The following INTS6 variants were observed in gnomAD, a reference collection of about 807,000 sequenced individuals.
INTS6 encodes integrator complex subunit 6, also known as DEAD box protein.
Under a neutral mutation model 104.9 loss-of-function variants are expected in INTS6, and 16 were observed. The observed-to-expected ratio is 0.15, with a 90% confidence interval of 0.10 to 0.23. The LOEUF (loss-of-function observed/expected upper bound fraction) is 0.23, where lower values mean the gene tolerates loss of function less well. Ranked by LOEUF, INTS6 falls within the 10% of genes least tolerant of loss-of-function variation. The pLI, the probability that INTS6 is intolerant of heterozygous loss-of-function variation, is 1.00. For missense variants in INTS6, 584 were observed against 1,062.8 expected, an observed-to-expected ratio of 0.55 and a Z score of 6.26; for synonymous variants, 324 against 358.7, an observed-to-expected ratio of 0.90 and a Z score of 1.09.
chr13:51,379,232 G>GA (rs1955999003), intron 11 of INTS6, among the ~76,000 whole-genome samples: 1 of 151,640 alleles, frequency 6.6e-6, no homozygotes, highest in African/African-American at 2.4e-5. Flanking sequence ...CCACACTCAT[G>GA]AAGCCATTTT....
intron 12 of INTS6, among the ~76,000 whole-genome samples, chr13:51,377,759 C>T (rs1466060944): frequency 6.6e-6 from 1 of 152,066 alleles, no homozygotes; most frequent in Non-Finnish European, 1.5e-5. Context: ...ATAAGTCTTC[C>T]AACTTTATTC....
chr13:51,341,199 C>A, the INTS6 span: 1 of 1,614,050 alleles, frequency 6.2e-7, no homozygotes, highest in South Asian at 1.1e-5. Flanking sequence ...TTGCACTTCA[C>A]CTCTACCAGA....
At position 51,395,451 on chromosome 13, in the gene INTS6, T is replaced by C. The variant is rs1267496785; in HGVS notation, c.462A>G (p.Gly154=). The C allele has an allele frequency of 6.2e-7, 1 of 1,613,142 alleles. No individual in the cohort carries two copies. Among genetic ancestry groups the C allele is most frequent in the East Asian group, 2.2e-5 (1 of 44,820 alleles). Residue 154 remains glycine (G), a synonymous_variant, in exon 5 of 18, where the codon GGA becomes GGG. Transcript: ENST00000311234. ...GAAAAGGTTCCTTGGTCAATTCACT[T>C]CCAGGCAAAGGAGAATTAAGAGGTA... ...LHLPLNSPLP[G]SELTKEPFRW...
intron 4 of INTS6, among the ~76,000 whole-genome samples, chr13:51,417,639 T>C (rs1300907058): frequency 1.3e-5 from 2 of 151,928 alleles, no homozygotes; most frequent in Non-Finnish European, 2.9e-5. Context: ...TATTTTTTAA[T>C]AGAGATGGGG....
intron 10 of INTS6, among the ~76,000 whole-genome samples, chr13:51,381,173 G>A (rs1343967010): frequency 2.0e-5 from 3 of 152,162 alleles, no homozygotes; most frequent in African/African-American, 7.2e-5. Context: ...CAAATACTAT[G>A]CCATTTTATA....
At chr13:51,395,590 T>A in intron 4 of INTS6, 107 bp from the exon 5 acceptor site, 3 of 932,724 alleles carry the variant, frequency 3.2e-6, no homozygotes, top group Non-Finnish European at 4.6e-6. Flanking sequence ...TCCTATCACT[T>A]GAAAAACAAG....
chr13:51,375,727 A>G (rs1443606728), intron 13 of INTS6, among the ~76,000 whole-genome samples: 1 of 141,674 alleles, frequency 7.1e-6, no homozygotes, highest in Non-Finnish European at 1.5e-5. Context: ...ATACAGTTTG[A>G]TAAGTGGGTG....
intron 4 of INTS6, among the ~76,000 whole-genome samples, chr13:51,409,999 C>G (rs927945044): frequency 3.9e-5 from 6 of 152,000 alleles, no homozygotes; most frequent in Non-Finnish European, 5.9e-5. Flanking sequence ...AAAGACCAAT[C>G]AATAATAACA....
chr13:51,450,362 A>G, intron 3 of INTS6: 2 of 985,446 alleles, frequency 2.0e-6, no homozygotes, highest in Non-Finnish European at 2.4e-6. Context: ...TAAGTGCAAT[A>G]AAAGGACTTG....
At chr13:51,341,654 C>T in the INTS6 span, among the ~76,000 whole-genome samples, 3 of 152,194 alleles carry the variant, frequency 2.0e-5, no homozygotes, top group Admixed American at 1.3e-4. Flanking sequence ...GGTTTCATGG[C>T]AATGTTTCAG....
rs1357148995 is a variant in INTS6 at position 51,452,342 on chromosome 13, G to GGCC, written c.111+70_111+72dup. 7.7e-5 allele frequency: 99 copies of GGCC among 1,279,740 alleles called. 1 individual carries two copies. The highest frequency in any genetic ancestry group is 7.8e-5 in the Non-Finnish European group (79 of 1,010,994). The allele number at this position is 1,279,740 out of a possible 1,614,324, so 79.3% of individuals were successfully genotyped here. On this transcript the variant is annotated intron_variant, in intron 1 of 17. Transcript: ENST00000311234. This position sits in a 1 kb window ranked among gnomAD's most constrained non-coding sequence, Gnocchi z 4.2. ...GTCAGGTCCCCGACACCCCCGCCCC[G>GGCC]GCCGCCCTCCCCCACCCTGCCGCCC... is the stretch of plus-strand genomic sequence containing the variant.
intron 3 of INTS6, among the ~76,000 whole-genome samples, chr13:51,431,113 C>T (rs75396497): frequency 0.016 from 2,388 of 152,280 alleles, 29 homozygotes; most frequent in Non-Finnish European, 0.027. Flanking sequence ...ACCCACTCTA[C>T]TAGCACAACG....
At chr13:51,451,364 C>G in intron 2 of INTS6, 190 bp from the exon 3 acceptor site, 1 of 399,514 alleles carries the variant, frequency 2.5e-6, no homozygotes, top group Non-Finnish European at 4.4e-6. Flanking sequence ...AGCTTCCTCT[C>G]TAGGTTTTGG....
rs745486146 is a variant in INTS6 at position 51,361,860 on chromosome 13, C to A, written c.*3892G>T. 6.2e-7 allele frequency: 1 copy of A among 1,611,470 alleles called. No individual in the cohort carries two copies. Among genetic ancestry groups the A allele is most frequent in the Admixed American group, 1.7e-5 (1 of 59,682 alleles). ...GATTCCTATTTTTAAAGCAGATCGG[C>A]CATTCATCTATTTCCTGAGAGAACC... On this transcript the variant is annotated 3_prime_UTR_variant, in exon 18 of 18. Transcript: ENST00000311234.
At chr13:51,425,927 G>A (rs924063157) in intron 4 of INTS6, among the ~76,000 whole-genome samples, 10 of 151,648 alleles carry the variant, frequency 6.6e-5, no homozygotes, top group African/African-American at 1.2e-4. Context: ...CACACTCCTC[G>A]TAAGTGAAAA....
At chr13:51,359,587 G>A (rs922452073), downstream of INTS6, among the ~76,000 whole-genome samples, 1 of 152,022 alleles carries the variant, frequency 6.6e-6, no homozygotes, top group Admixed American at 6.6e-5. Context: ...ACATCAACTG[G>A]TCTCATTTCT....
chr13:51,417,736 C>T (rs566109496), intron 4 of INTS6, among the ~76,000 whole-genome samples: 6 of 152,244 alleles, frequency 3.9e-5, no homozygotes, highest in South Asian at 4.1e-4. Context: ...GGATTACAGG[C>T]GTGAGCTACT....
At chr13:51,348,529 A>C in the INTS6 span, 1 of 751,870 alleles carries the variant, frequency 1.3e-6, no homozygotes, top group Non-Finnish European at 2.2e-6. Flanking sequence ...GACTTGTTTA[A>C]TATGTATCCC....
intron 3 of INTS6, chr13:51,355,009 T>C (rs1955458068): frequency 9.0e-7 from 1 of 1,107,536 alleles, no homozygotes; most frequent in African/African-American, 1.6e-5. Context: ...TGAGTGAGAA[T>C]TTTGAAAGTT....
Sources: allele counts gnomAD v4.1 joint callset (sites outside exome capture counted in the v4.1 genomes callset), GRCh38; gene constraint gnomAD v4.1.1; non-coding constraint Gnocchi (gnomAD v3.1); transcripts MANE v1.5; gene names NCBI Gene and HGNC (gene_info 2026-07-23, HGNC 2026-07-21).